Variants in PPP1R3A observed in about 807,000 individuals in gnomAD.
PPP1R3A encodes RG1.
In PPP1R3A, 29 loss-of-function variants were observed where a neutral mutation model predicts 41.7. That is an observed-to-expected ratio of 0.70 (90% CI 0.52 to 0.95). The LOEUF is 0.95. Among genes scored for constraint, PPP1R3A ranks in the 40% least tolerant of loss-of-function variants. PPP1R3A has a pLI of 0.00. For synonymous variants in PPP1R3A, 485 were observed against 453.4 expected (o/e 1.07, Z -0.89); for missense variants, 1,352 against 1,292.4 (o/e 1.05, Z -0.71).
Position 113,879,078 on chromosome 7 carries a change from T to C in PPP1R3A, c.2014A>G (p.Ile672Val), listed in dbSNP as rs377223836. Residue 672 changes from isoleucine (I) to valine (V), a missense_variant, in exon 4 of 4, where the codon ATA becomes GTA. Coordinates refer to ENST00000284601, the MANE Select transcript of PPP1R3A (RefSeq NM_002711.4). ...GTTTGTCCTTTGATATGCTCTGTTA[T>C]GTTTGTCTTATTCTCTCTTGATTTT... ...QGKSRENKTN[I>V]TEHIKGQTDC... is the part of the protein sequence containing the mutation. 6.2e-7 allele frequency: 1 copy of C among 1,613,668 alleles called. No individual in the cohort carries two copies. Among genetic ancestry groups the C allele is most frequent in the Non-Finnish European group, 8.5e-7 (1 of 1,179,796 alleles).
intron 1 of PPP1R3A, among the ~76,000 whole-genome samples, chr7:113,911,748 T>C (rs1373766225): frequency 6.6e-6 from 1 of 152,112 alleles, no homozygotes; most frequent in East Asian, 1.9e-4. Flanking sequence ...ATAACATGAT[T>C]AATTTTGAAA....
At position 113,877,595 on chromosome 7, in the gene PPP1R3A, T is replaced by A; in HGVS notation, c.*128A>T. The A allele has an allele frequency of 1.8e-6, 2 of 1,103,074 alleles. No individual in the cohort carries two copies. The highest frequency in any genetic ancestry group is 2.6e-6 in the Non-Finnish European group (2 of 779,698). The allele number at this position is 1,103,074 out of a possible 1,614,324, so 68.3% of individuals were successfully genotyped here. A position where few individuals can be genotyped will look rare whatever the true frequency, so the allele number is the denominator to read the frequency against. On this transcript the variant is annotated 3_prime_UTR_variant, in exon 4 of 4. Coordinates refer to ENST00000284601, the MANE Select transcript of PPP1R3A (RefSeq NM_002711.4). ...ATATGAAGGAGCAAACTTATTCGCG[T>A]CCCTTTTTAAATGATCCTTCAAGAG... is the stretch of plus-strand genomic sequence containing the variant.
At chr7:113,916,446 C>A (rs1414774715) in intron 1 of PPP1R3A, among the ~76,000 whole-genome samples, 3 of 152,064 alleles carry the variant, frequency 2.0e-5, no homozygotes, top group African/African-American at 7.2e-5. Context: ...TGAGGCCTAT[C>A]AGTTGGCTAG....
At chr7:113,886,953 T>C (rs1239449078) in intron 1 of PPP1R3A, among the ~76,000 whole-genome samples, 1 of 152,158 alleles carries the variant, frequency 6.6e-6, no homozygotes, top group Non-Finnish European at 1.5e-5. Context: ...TTTCATATTT[T>C]TCTGTGGCTA....
In PPP1R3A at chr7:113,896,380, G is replaced by T. The variant is rs146133024; in HGVS notation, c.783-14060C>A. Among the ~76,000 whole-genome samples the T allele has an allele frequency of 3.7e-4, 56 of 151,712 alleles. 1 individual carries two copies. The East Asian group carries it at 9.8e-3, about 26-fold the overall frequency. ...TTTATTTATTTATTTATTTATTTTG[G>T]TTTTGGGCTTCTGTTGTTTTTTACT... is the stretch of plus-strand genomic sequence containing the variant. On this transcript the variant is annotated intron_variant, in intron 1 of 3. Transcript: ENST00000284601.
intron 1 of PPP1R3A, among the ~76,000 whole-genome samples, chr7:113,915,105 A>G: frequency 6.6e-6 from 1 of 151,992 alleles, no homozygotes; most frequent in East Asian, 1.9e-4. Context: ...ACTCTCAATC[A>G]CATGCCTATG....
At position 113,880,050 on chromosome 7, in the gene PPP1R3A, T is replaced by C; in HGVS notation, c.1042A>G (p.Asn348Asp). Residue 348 changes from asparagine to aspartate, a missense_variant, in exon 4 of 4, where the codon AAT becomes GAT. Asn to Asp is a conservative substitution (Grantham distance 23, BLOSUM62 1). Coordinates refer to ENST00000284601, the MANE Select transcript of PPP1R3A (RefSeq NM_002711.4). ...AACCCCTCTGCTTTATTTGGAAAAT[T>C]GACTGGATCTGTTGAAAATGTATTC... The part of the protein sequence containing the change: ...ERNTFSTDPV[N>D]FPNKAEGLEK... 2 of 1,610,638 alleles carry C rather than the reference T, an allele frequency of 1.2e-6. No individual in the cohort carries two copies. Among genetic ancestry groups the C allele is most frequent in the South Asian group, 2.2e-5 (2 of 91,016 alleles).
At chr7:113,916,984 T>C (rs1398132371) in intron 1 of PPP1R3A, among the ~76,000 whole-genome samples, 1 of 152,056 alleles carries the variant, frequency 6.6e-6, no homozygotes, top group East Asian at 1.9e-4. Flanking sequence ...AAACATAATA[T>C]ATATGTTTGA....
At chr7:113,882,757 T>C (rs1796715745) in intron 1 of PPP1R3A, among the ~76,000 whole-genome samples, 1 of 151,958 alleles carries the variant, frequency 6.6e-6, no homozygotes, top group South Asian at 2.1e-4. Context: ...ACATTTCAAT[T>C]AATTTTTTGT....
intron 1 of PPP1R3A, among the ~76,000 whole-genome samples, chr7:113,908,071 T>C (rs1797173720): frequency 1.3e-5 from 2 of 151,638 alleles, no homozygotes; most frequent in African/African-American, 4.8e-5. Flanking sequence ...AGTTCCATAA[T>C]ATGGATAGAC....
At chr7:113,907,261 C>A (rs1584419318) in intron 1 of PPP1R3A, among the ~76,000 whole-genome samples, 2 of 151,884 alleles carry the variant, frequency 1.3e-5, no homozygotes, top group East Asian at 3.9e-4. Context: ...ACATTGTATT[C>A]ATAAACTCGG....
intron 1 of PPP1R3A, among the ~76,000 whole-genome samples, chr7:113,901,711 G>A (rs1204871738): frequency 6.6e-6 from 1 of 151,752 alleles, no homozygotes; most frequent in African/African-American, 2.4e-5. Flanking sequence ...GGGGTCGTGT[G>A]GCAGGACATA....
At chr7:113,881,878 A>G (rs145029755) in intron 3 of PPP1R3A, among the ~76,000 whole-genome samples, 161 bp downstream of exon 3, 61 of 152,176 alleles carry the variant, frequency 4.0e-4, no homozygotes, top group South Asian at 8.3e-4. Flanking sequence ...ACAGAAATCA[A>G]AGTGCCTTGT....
At chr7:113,891,891 T>C (rs868172531) in intron 1 of PPP1R3A, among the ~76,000 whole-genome samples, 1 of 151,992 alleles carries the variant, frequency 6.6e-6, no homozygotes, top group African/African-American at 2.4e-5. Context: ...TGTGATGGAA[T>C]TACCCAACCA....
chr7:113,916,478 A>G (rs1211122421), intron 1 of PPP1R3A, among the ~76,000 whole-genome samples: 1 of 152,092 alleles, frequency 6.6e-6, no homozygotes, highest in African/African-American at 2.4e-5. Flanking sequence ...GTATCAGTCA[A>G]GTTTGGCATA....
At chr7:113,890,065 C>A (rs1796852661) in intron 1 of PPP1R3A, among the ~76,000 whole-genome samples, 2 of 143,596 alleles carry the variant, frequency 1.4e-5, no homozygotes, top group Admixed American at 1.4e-4. Context: ...GCATTATATG[C>A]AAAAACTTTA....
At chr7:113,883,066 T>C (rs907297645) in intron 1 of PPP1R3A, among the ~76,000 whole-genome samples, 2 of 152,054 alleles carry the variant, frequency 1.3e-5, no homozygotes, top group Non-Finnish European at 2.9e-5. Context: ...ACCTTTTTCC[T>C]TCAAATGTAA....
chr7:113,879,638 A>G lies in PPP1R3A; in HGVS notation c.1454T>C (p.Leu485Ser), dbSNP rs1414383533. Residue 485 changes from leucine to serine, a missense_variant, in exon 4 of 4, where the codon TTA (leucine) becomes TCA (serine). Leu to Ser is a moderately radical substitution (Grantham distance 145). Coordinates refer to ENST00000284601, the MANE Select transcript of PPP1R3A (RefSeq NM_002711.4). The stretch of plus-strand genomic sequence containing the variant: ...CGTATCTGAATGGAAATCTCTTCGT[A>G]AACATCCCAAATCTTTTACTTCAAT... ...KNIEVKDLGC[L>S]RRDFHSDTSA... 1 of 1,613,126 alleles carries G rather than the reference A, an allele frequency of 6.2e-7. No homozygotes were observed. Among genetic ancestry groups the G allele is most frequent in the East Asian group, 2.2e-5 (1 of 44,832 alleles).
rs1453611786 is a variant in PPP1R3A, at chr7:113,878,166, C to T, written c.2926G>A (p.Val976Ile). 1 of 1,613,194 alleles carries T rather than the reference C, an allele frequency of 6.2e-7. No homozygotes were observed. The highest frequency in any genetic ancestry group is 8.5e-7 in the Non-Finnish European group (1 of 1,179,538). Residue 976 changes from valine to isoleucine, a missense_variant, in exon 4 of 4, where the codon GTT (valine) becomes ATT (isoleucine). Physicochemically the swap from Val to Ile is conservative, Grantham distance 29. Transcript: ENST00000284601. ...GTCACTATTCCTGAACTTCTGGAAA[C>T]TTCTTCAGGTTTAGACTCAGGATAA... ...HPYPESKPEE[V>I]SRSSGIVTSG...
Sources: gnomAD v4.1 joint callset for allele counts (sites outside exome capture counted in the v4.1 genomes callset) on GRCh38, gnomAD v4.1.1 for gene constraint, MANE v1.5 for transcripts, NCBI Gene and HGNC (gene_info 2026-07-23, HGNC 2026-07-21) for gene names.